The following NEB variants were observed in gnomAD, a reference collection of about 807,000 sequenced individuals.
NEB encodes the protein nemaline myopathy type 2.
Under a neutral mutation model 952.2 loss-of-function variants are expected in NEB, and 512 were observed. The observed-to-expected ratio is 0.54, with a 90% confidence interval of 0.50 to 0.58. The LOEUF is 0.58. NEB is among the 20% of genes least tolerant of loss of function. NEB has a pLI of 0.00. For missense variants in NEB, 8,428 were observed against 9,231.1 expected (o/e 0.91, Z 3.56); for synonymous variants, 2,900 against 3,149.8 (o/e 0.92, Z 2.66).
chr2:151,643,167 C>G lies in NEB; in HGVS notation c.8143G>C (p.Ala2715Pro). 6.2e-7 allele frequency: 1 copy of G among 1,612,906 alleles called. No homozygotes were observed. The highest frequency in any genetic ancestry group is 1.1e-5 in the South Asian group (1 of 91,036). Reference sequence around the variant, plus strand: ...GGACTTACATGATTCATGGTAATAGCATTGTTTTTTGCCAAAACCATTGGT... The same window carrying G: ...GGACTTACATGATTCATGGTAATAGGATTGTTTTTTGCCAAAACCATTGGT... ...SIPMVLAKNN[A>P]ITMNHRLYTE... Residue 2715 changes from alanine (A) to proline (P), a missense_variant, in exon 58 of 182, where the codon GCT becomes CCT. By Grantham distance (27) the Ala-to-Pro change is conservative. This residue lies in a region of NEB where 1,772 missense variants were observed against 1,960.3 expected (regional missense o/e 0.90). Coordinates refer to ENST00000397345, the MANE Select transcript of NEB (RefSeq NM_001164508.2).
intron 46 of NEB, among the ~76,000 whole-genome samples, chr2:151,661,182 A>G (rs950549939): frequency 6.6e-6 from 1 of 152,158 alleles, no homozygotes; most frequent in African/African-American, 2.4e-5. Context: ...TGCTAGTTCT[A>G]TGATTCTCCT....
intron 178 of NEB, 63 bp downstream of exon 178, chr2:151,492,035 T>TA: frequency 6.6e-6 from 10 of 1,514,718 alleles, no homozygotes; most frequent in Non-Finnish European, 8.2e-6. Context: ...TAGGTAATGC[T>TA]ACTTTTGTTC....
chr2:151,686,732 T>C (rs1445068663), intron 27 of NEB, among the ~76,000 whole-genome samples: 1 of 152,172 alleles, frequency 6.6e-6, no homozygotes, highest in African/African-American at 2.4e-5. Context: ...TTCTCAGTAC[T>C]CTTAAGGGAT....
chr2:151,617,242 T>G (rs1039845275), intron 75 of NEB, 122 bp downstream of exon 75: 3 of 600,782 alleles, frequency 5.0e-6, no homozygotes, highest in Non-Finnish European at 8.4e-6. Flanking sequence ...GAACTATCTC[T>G]TCTACTGAAA....
At chr2:151,506,581 CTCAG>C (rs760294784) in intron 163 of NEB, among the ~76,000 whole-genome samples, 11 of 152,150 alleles carry the variant, frequency 7.2e-5, no homozygotes, top group Non-Finnish European at 1.3e-4. Flanking sequence ...GAAATGCAAA[CTCAG>C]TCAGTTATTT....
At chr2:151,725,137 C>CTT (rs1257815689) in intron 6 of NEB, among the ~76,000 whole-genome samples, 176 bp from the exon 7 acceptor site, 3 of 152,216 alleles carry the variant, frequency 2.0e-5, no homozygotes, top group Non-Finnish European at 4.4e-5. Context: ...GCATTTACTG[C>CTT]TTGTCTGCTT....
At chr2:151,559,721 G>A (rs1463782131) in intron 124 of NEB, among the ~76,000 whole-genome samples, 3 of 152,090 alleles carry the variant, frequency 2.0e-5, no homozygotes, top group Non-Finnish European at 2.9e-5. Context: ...GTTCTCACTC[G>A]TAAGTGGGGG....
intron 120 of NEB, 62 bp downstream of exon 120, chr2:151,562,549 G>T (rs2096134709): frequency 1.1e-5 from 16 of 1,422,904 alleles, no homozygotes; most frequent in South Asian, 6.0e-5. Context: ...CAGGGTTGGG[G>T]GGTAGCCAAG....
chr2:151,624,076 A>G (rs1279001206), intron 71 of NEB, among the ~76,000 whole-genome samples: 1 of 152,188 alleles, frequency 6.6e-6, no homozygotes, highest in Non-Finnish European at 1.5e-5. Flanking sequence ...ACCACGGGCA[A>G]TGGGTTGAGA....
chr2:151,639,045 A>G (rs903992578), intron 63 of NEB, among the ~76,000 whole-genome samples: 1 of 152,244 alleles, frequency 6.6e-6, no homozygotes. Flanking sequence ...AATGGTCTAC[A>G]TAATCTCATG....
At chr2:151,637,920 A>G (rs1456771837) in intron 63 of NEB, among the ~76,000 whole-genome samples, 3 of 152,240 alleles carry the variant, frequency 2.0e-5, no homozygotes, top group African/African-American at 4.8e-5. Context: ...TTCCATCTAA[A>G]TTCTCTAAAT....
intron 34 of NEB, among the ~76,000 whole-genome samples, chr2:151,677,227 G>A (rs146397445): frequency 6.6e-6 from 1 of 152,168 alleles, no homozygotes; most frequent in Admixed American, 6.5e-5. Context: ...ACAATAAAGT[G>A]TCTGGGATTT....
chr2:151,705,349 G>A (rs1288972724), intron 13 of NEB, among the ~76,000 whole-genome samples: 1 of 152,096 alleles, frequency 6.6e-6, no homozygotes, highest in African/African-American at 2.4e-5. Context: ...TGCTATTCAT[G>A]TTTAATATTT....
At chr2:151,499,594 T>A in intron 168 of NEB, 1 of 400,678 alleles carries the variant, frequency 2.5e-6, no homozygotes, top group Non-Finnish European at 4.5e-6. Context: ...TTGATATTCA[T>A]CATCTTTTTA....
At position 151,659,178 on chromosome 2, in the gene NEB, A is replaced by C. The variant is rs528962426; in HGVS notation, c.5971-9T>G. ...GCTTGTTTGTAGAGATGCTAGGAAA[A>C]AAACAGTGTAAATTAGTGTTTAAAA... On this transcript the variant is annotated splice_polypyrimidine_tract_variant and intron_variant, in intron 46 of 181. Coordinates refer to ENST00000397345, the MANE Select transcript of NEB (RefSeq NM_001164508.2). 1.9e-6 allele frequency: 3 copies of C among 1,571,762 alleles called. No individual in the cohort carries two copies. The highest frequency in any genetic ancestry group is 2.6e-6 in the Non-Finnish European group (3 of 1,141,922).
chr2:151,504,119 T>TTAAC (rs1344058999), intron 165 of NEB, among the ~76,000 whole-genome samples: 3 of 152,206 alleles, frequency 2.0e-5, no homozygotes, highest in African/African-American at 7.2e-5. Flanking sequence ...CTGAGCCTCC[T>TTAAC]TAACTCTTAA....
chr2:151,658,175 T>TC (rs750290748), intron 47 of NEB, 85 bp from the exon 48 acceptor site: 75 of 1,015,022 alleles, frequency 7.4e-5, no homozygotes, highest in Non-Finnish European at 9.9e-5. Flanking sequence ...CACTGTGGCG[T>TC]CTTTTTTTTT....
chr2:151,640,230 C>G (rs552878499), intron 61 of NEB, 125 bp downstream of exon 61: 1 of 1,485,970 alleles, frequency 6.7e-7, no homozygotes, highest in Non-Finnish European at 9.1e-7. Flanking sequence ...AAATTCCTGT[C>G]GATAAAGGCA....
At position 151,724,951 on chromosome 2, in the gene NEB, C is replaced by T. The variant is rs747423578; in HGVS notation, c.413G>A (p.Arg138Gln). The change falls in exon 7 of 182, where the codon CGA (arginine) becomes CAA (glutamine). Residue 138 changes from arginine to glutamine, a missense_variant. Arg to Gln is a conservative substitution (Grantham distance 43). Around this residue, in one of 11 missense-constraint regions of NEB, gnomAD observed 2,851 missense variants for 2,791.5 expected, o/e 1.02. Transcript: ENST00000397345. The stretch of plus-strand genomic sequence containing the variant: ...AGTCTTAGCAACATCACCATCCATT[C>T]GATACTTAACCTGCCCAAATAATGC... ...VQDQLSEVKY[R>Q]MDGDVAKTIC... 20 of 1,613,260 alleles carry T rather than the reference C, an allele frequency of 1.2e-5. No individual in the cohort carries two copies. In the Admixed American group the frequency reaches 2.2e-4, roughly 17 times the overall value.
Sources: gnomAD v4.1 joint callset for allele counts (sites outside exome capture counted in the v4.1 genomes callset) on GRCh38, gnomAD v4.1.1 for gene constraint, gnomAD v4.1.1 regional missense constraint, MANE v1.5 for transcripts, NCBI Gene and HGNC (gene_info 2026-07-23, HGNC 2026-07-21) for gene names.